TM2D3: variants seen among roughly 807,000 people sequenced by gnomAD.
The protein encoded by TM2D3 is TM2 domain containing 3.
In TM2D3, 33 loss-of-function variants were observed where a neutral mutation model predicts 27.3. That is an observed-to-expected ratio of 1.21 (90% CI 0.92 to 1.61). The LOEUF is 1.61. TM2D3 is among the 40% of genes most tolerant of loss of function. The probability of loss-of-function intolerance (pLI) is 0.00; values close to 1 mark genes in which losing one functional copy is unlikely to be tolerated. For synonymous variants in TM2D3, 138 were observed against 122.2 expected, an observed-to-expected ratio of 1.13 and a Z score of -0.85; for missense variants, 364 against 320.8, an observed-to-expected ratio of 1.13 and a Z score of -1.03.
rs1344308183 is a variant in TM2D3 at position 101,645,135 on chromosome 15, T to C, written c.530A>G (p.Tyr177Cys). ...CTTATAGCCTCCAGTCCAATTGCAA[T>C]ATAGCATTTTGGGAAAAGTACGGTT... ...LGNRTFPKML[Y>C]CNWTGGYKWS... Residue 177 changes from tyrosine to cysteine, a missense_variant, in exon 5 of 6, where the codon TAT becomes TGT. Transcript: ENST00000333202. 6.2e-7 allele frequency: 1 copy of C among 1,611,142 alleles called. No individual in the cohort carries two copies. The highest frequency in any genetic ancestry group is 1.7e-5 in the Admixed American group (1 of 59,652).
chr15:101,641,983 T>C lies in TM2D3; in HGVS notation c.*496A>G, dbSNP rs1555478362. 4 of 985,660 alleles carry C rather than the reference T, an allele frequency of 4.1e-6. No individual in the cohort carries two copies. The highest frequency in any genetic ancestry group is 4.7e-5 in the South Asian group (1 of 21,406). The allele number at this position is 985,660 out of a possible 1,614,324, so 61.1% of individuals were successfully genotyped here. A position where few individuals can be genotyped will look rare whatever the true frequency, so the allele number is the denominator to read the frequency against. On this transcript the variant is annotated 3_prime_UTR_variant, in exon 6 of 6. Coordinates refer to ENST00000333202, the MANE Select transcript of TM2D3 (RefSeq NM_078474.3). ...TCATATATACAGACCAGACTACATA[T>C]GTATTACACTGCAAAACTTACACAT...
At chr15:101,648,841 G>A (rs971470892) in intron 3 of TM2D3, among the ~76,000 whole-genome samples, 5 of 151,796 alleles carry the variant, frequency 3.3e-5, no homozygotes, top group Admixed American at 2.0e-4. Context: ...TAAAAAATAA[G>A]CACACTTATC....
downstream of TM2D3, chr15:101,637,084 G>C (rs998408002): frequency 5.1e-6 from 1 of 197,454 alleles, no homozygotes; most frequent in Admixed American, 6.0e-5. Flanking sequence ...ATACATGTAA[G>C]ATGCAGACTG....
intron 4 of TM2D3, chr15:101,635,842 A>C (rs917753758): frequency 6.6e-6 from 1 of 152,066 alleles, no homozygotes; most frequent in Non-Finnish European, 1.5e-5. Flanking sequence ...TTCTTGGATT[A>C]TATTTTCCTC....
At chr15:101,652,207 C>G (rs1401847201) in intron 1 of TM2D3, 64 bp downstream of exon 1, 2 of 1,452,994 alleles carry the variant, frequency 1.4e-6, no homozygotes, top group East Asian at 4.9e-5. Context: ...CCGGCCTCCT[C>G]GCAGCTCCCG....
intron 5 of TM2D3, among the ~76,000 whole-genome samples, chr15:101,643,974 C>T (rs973974843): frequency 5.9e-5 from 9 of 152,032 alleles, no homozygotes; most frequent in African/African-American, 2.2e-4. Flanking sequence ...TGCAGCCTAC[C>T]ACGCAGCTGG....
downstream of TM2D3, among the ~76,000 whole-genome samples, chr15:101,639,350 C>T (rs751568241): frequency 1.5e-4 from 23 of 150,452 alleles, no homozygotes; most frequent in Non-Finnish European, 2.2e-4. Context: ...AGAGCAGGAG[C>T]GGAGGAATCT....
At chr15:101,636,981 G>A (rs1220281938), downstream of TM2D3, 2 of 384,254 alleles carry the variant, frequency 5.2e-6, no homozygotes, top group Admixed American at 3.1e-5. Context: ...TATGAGTGAG[G>A]CACAGTATCA....
At chr15:101,649,813 A>T (rs1281202968) in intron 3 of TM2D3, among the ~76,000 whole-genome samples, 191 bp downstream of exon 3, 2 of 152,256 alleles carry the variant, frequency 1.3e-5, no homozygotes, top group African/African-American at 4.8e-5. Context: ...ATTATAACTA[A>T]AACAGTAGTG....
At chr15:101,643,269 G>A (rs1387766824) in intron 5 of TM2D3, among the ~76,000 whole-genome samples, 1 of 152,098 alleles carries the variant, frequency 6.6e-6, no homozygotes, top group Non-Finnish European at 1.5e-5. Context: ...GTACCCTGAA[G>A]CAAACCTTGG....
At position 101,651,480 on chromosome 15, in the gene TM2D3, G is replaced by C. The variant is rs898046589; in HGVS notation, c.169+216C>G. On this transcript the variant is annotated intron_variant, in intron 2 of 5. Transcript: ENST00000333202. Reference sequence around the variant, plus strand: ...TAAGGTGACAAATGAGCGTGGGATTGGAAAAAGAGAGGAGGCAGAAACGTC... The same window carrying C: ...TAAGGTGACAAATGAGCGTGGGATTCGAAAAAGAGAGGAGGCAGAAACGTC... 64 of 487,744 alleles carry C rather than the reference G, an allele frequency of 1.3e-4. No individual in the cohort carries two copies. In the Middle Eastern group the frequency reaches 1.7e-3, roughly 13 times the overall value. The allele number at this position is 487,744 out of a possible 1,614,324, so 30.2% of individuals were successfully genotyped here.
intron 3 of TM2D3, among the ~76,000 whole-genome samples, chr15:101,649,056 A>G (rs998867834): frequency 6.6e-6 from 1 of 152,212 alleles, no homozygotes; most frequent in Non-Finnish European, 1.5e-5. Context: ...AAAAATTGCC[A>G]ATCTAAGGGT....
chr15:101,650,048 GCTT>G lies in TM2D3; in HGVS notation c.280_282del (p.Lys94del). ...TTCACTGCACAGTCAAAAGTGACAGGCTTCCCATAGGTACAGGAGAAATTTGTT... is the reference window on the plus strand; with the variant it reads ...TTCACTGCACAGTCAAAAGTGACAGGCCCATAGGTACAGGAGAAATTTGTT... On this transcript the variant is annotated inframe_deletion, in exon 3 of 6. Transcript: ENST00000333202. 6.2e-7 allele frequency: 1 copy of G among 1,614,062 alleles called. No individual in the cohort carries two copies. The highest frequency in any genetic ancestry group is 8.5e-7 in the Non-Finnish European group (1 of 1,179,976).
downstream of TM2D3, among the ~76,000 whole-genome samples, chr15:101,641,150 C>A (rs1896658200): frequency 6.6e-6 from 1 of 152,178 alleles, no homozygotes; most frequent in South Asian, 2.1e-4. Flanking sequence ...TAAAGAAACA[C>A]CTGCTCAATC....
At chr15:101,641,271 G>A (rs966048941), downstream of TM2D3, among the ~76,000 whole-genome samples, 1 of 105,304 alleles carries the variant, frequency 9.5e-6, no homozygotes, top group Non-Finnish European at 2.3e-5. Context: ...CAAGTTCCTC[G>A]TAAACAAAAC....
chr15:101,645,501 T>C, intron 4 of TM2D3: 1 of 272,882 alleles, frequency 3.7e-6, no homozygotes, highest in Non-Finnish European at 7.0e-6. Flanking sequence ...ATACAAACAC[T>C]TCATGTATGA....
At chr15:101,641,531 TACAC>T (rs548149727), downstream of TM2D3, among the ~76,000 whole-genome samples, 21 of 152,380 alleles carry the variant, frequency 1.4e-4, no homozygotes, top group African/African-American at 4.6e-4. Flanking sequence ...TTCTGGATAA[TACAC>T]ACAAGTGTTT....
At chr15:101,644,525 C>G (rs1322060889) in intron 5 of TM2D3, among the ~76,000 whole-genome samples, 2 of 152,188 alleles carry the variant, frequency 1.3e-5, no homozygotes, top group Non-Finnish European at 2.9e-5. Flanking sequence ...CTCAAAACTT[C>G]AAGTGTAGGC....
intron 4 of TM2D3, chr15:101,635,555 G>A (rs181644970): frequency 1.1e-4 from 16 of 152,242 alleles, no homozygotes; most frequent in African/African-American, 3.6e-4. Context: ...TAGAGAAGGC[G>A]AATCCGTGTT....
Sources: gnomAD v4.1 joint callset for allele counts (sites outside exome capture counted in the v4.1 genomes callset) on GRCh38, gnomAD v4.1.1 for gene constraint, MANE v1.5 for transcripts, NCBI Gene and HGNC (gene_info 2026-07-23, HGNC 2026-07-21) for gene names.